TF: variants seen among roughly 807,000 people sequenced by gnomAD.
TF encodes the protein transferrin.
A neutral mutation model predicts 82.4 loss-of-function variants in TF; 55 were observed. The observed-to-expected ratio is 0.67, with a 90% CI of 0.54 to 0.84. TF has a LOEUF of 0.84. TF is among the 40% of genes least tolerant of loss of function. TF has a pLI of 0.00. For synonymous variants in TF, 332 were observed against 332.6 expected (o/e 1.00, Z 0.02); for missense variants, 737 against 868.4 (o/e 0.85, Z 1.90).
chr3:133,681,402 C>G, the TF span, among the ~76,000 whole-genome samples: 2 of 152,216 alleles, frequency 1.3e-5, no homozygotes, highest in Non-Finnish European at 2.9e-5. Context: ...CAGGGTGAGA[C>G]ATCACCTCAC....
the TF span, among the ~76,000 whole-genome samples, chr3:133,719,909 T>G: frequency 6.6e-6 from 1 of 152,190 alleles, no homozygotes; most frequent in Non-Finnish European, 1.5e-5. Flanking sequence ...TTTAGTTTAT[T>G]ATTAGCGTAT....
chr3:133,675,444 T>C, the TF span, among the ~76,000 whole-genome samples: 1 of 152,324 alleles, frequency 6.6e-6, no homozygotes, highest in South Asian at 2.1e-4. Context: ...TAAAACATTT[T>C]ATTTGGGAAG....
chr3:133,759,526 A>G (rs1933930872), intron 9 of TF, among the ~76,000 whole-genome samples, 197 bp downstream of exon 9: 1 of 152,216 alleles, frequency 6.6e-6, no homozygotes, highest in Non-Finnish European at 1.5e-5. Context: ...CACAGGGCTC[A>G]GTTTCCTCCT....
chr3:133,688,515 G>A, the TF span, among the ~76,000 whole-genome samples: 1 of 152,172 alleles, frequency 6.6e-6, no homozygotes, highest in Non-Finnish European at 1.5e-5. Context: ...GAAAATGCAA[G>A]GACTGTGGGT....
chr3:133,717,011 C>T, the TF span, among the ~76,000 whole-genome samples: 2 of 152,164 alleles, frequency 1.3e-5, no homozygotes, highest in Non-Finnish European at 2.9e-5. Context: ...CTTTCCTGGC[C>T]ACTCTGTAAT....
the TF span, among the ~76,000 whole-genome samples, chr3:133,696,148 G>A: frequency 2.0e-5 from 3 of 151,924 alleles, no homozygotes; most frequent in African/African-American, 7.3e-5. Flanking sequence ...ATTTTGGCTG[G>A]GCAGAGTGAC....
chr3:133,769,751 G>C (rs915088188), intron 13 of TF, among the ~76,000 whole-genome samples: 4 of 152,132 alleles, frequency 2.6e-5, no homozygotes, highest in African/African-American at 9.7e-5. Flanking sequence ...CATTGAGGAG[G>C]GCCTTGTGTA....
At chr3:133,663,926 G>A in the TF span, among the ~76,000 whole-genome samples, 1 of 152,236 alleles carries the variant, frequency 6.6e-6, no homozygotes, top group Admixed American at 6.5e-5. Context: ...TTTAGAGTAA[G>A]AGTTCACCAC....
At chr3:133,735,958 T>A in the TF span, among the ~76,000 whole-genome samples, 2 of 151,784 alleles carry the variant, frequency 1.3e-5, no homozygotes, top group African/African-American at 4.8e-5. Context: ...ACAGAGAACA[T>A]CACAAAGATA....
chr3:133,675,103 G>C, the TF span, among the ~76,000 whole-genome samples: 1 of 151,728 alleles, frequency 6.6e-6, no homozygotes, highest in Non-Finnish European at 1.5e-5. Context: ...AAATTAGCCG[G>C]GTGTGGTGGC....
chr3:133,716,291 A>C, the TF span, among the ~76,000 whole-genome samples: 1 of 152,074 alleles, frequency 6.6e-6, no homozygotes, highest in Non-Finnish European at 1.5e-5. Context: ...GGCTATCTCC[A>C]CTTGGATTTC....
In TF at chr3:133,748,416, G is replaced by A; in HGVS notation, c.48G>A (p.Leu16=). The A allele has an allele frequency of 6.2e-7, 1 of 1,614,130 alleles. No individual in the cohort carries two copies. Among genetic ancestry groups the A allele is most frequent in the South Asian group, 1.1e-5 (1 of 91,080 alleles). ...GALLVCAVLG[L]CLAVPDKTVR... Reference sequence around the variant, plus strand: ...CCTCTGGCCTCTCTCCCCCAGGGCTGTGTCTGGCTGTCCCTGATAAAACTG... The same window carrying A: ...CCTCTGGCCTCTCTCCCCCAGGGCTATGTCTGGCTGTCCCTGATAAAACTG... Residue 16 remains leucine, a synonymous_variant, in exon 2 of 17, where the codon CTG becomes CTA. Coordinates refer to ENST00000402696, the MANE Select transcript of TF (RefSeq NM_001063.4).
chr3:133,776,242 G>A (rs1038991150), intron 15 of TF, among the ~76,000 whole-genome samples: 1 of 152,184 alleles, frequency 6.6e-6, no homozygotes, highest in African/African-American at 2.4e-5. Flanking sequence ...GGCAGACTGA[G>A]CACTGTTCTC....
chr3:133,740,946 C>A, the TF span, among the ~76,000 whole-genome samples: 9 of 115,750 alleles, frequency 7.8e-5, no homozygotes, highest in South Asian at 3.0e-4. Flanking sequence ...TATAGAAATA[C>A]AATTGACTTT....
At chr3:133,777,767 T>C (rs1934430599) in intron 16 of TF, 1 of 160,274 alleles carries the variant, frequency 6.2e-6, no homozygotes, top group South Asian at 1.8e-4. Flanking sequence ...GCTTCAACAA[T>C]GATAGGTTCT....
the TF span, among the ~76,000 whole-genome samples, chr3:133,706,815 G>A: frequency 6.6e-6 from 1 of 152,146 alleles, no homozygotes; most frequent in African/African-American, 2.4e-5. Context: ...CCACTGGAGT[G>A]CAAAGTTGAG....
chr3:133,754,539 A>G lies in TF; in HGVS notation c.370A>G (p.Ser124Gly). The change falls in exon 4 of 17, where the codon AGT becomes GGT. Residue 124 changes from serine to glycine, a missense_variant. By Grantham distance (56) the Ser-to-Gly change is moderately conservative (BLOSUM62 0). Transcript: ENST00000402696. ...TGCTGTTGCTGTGGTGAAGAAGGAT[A>G]GTGGCTTCCAGATGAACCAGCTTCG... The part of the protein sequence containing the change: ...YYAVAVVKKD[S>G]GFQMNQLRGK... The G allele has an allele frequency of 6.2e-7, 1 of 1,614,210 alleles. No individual in the cohort carries two copies. Among genetic ancestry groups the G allele is most frequent in the South Asian group, 1.1e-5 (1 of 91,082 alleles).
chr3:133,755,400 T>C lies in TF; in HGVS notation c.540T>C (p.Cys180=), dbSNP rs373651632. ...TCTTCTCGGGCAGCTGTGCCCCTTG[T>C]GCGGATGGGACGGACTTCCCCCAGC... ...ANFFSGSCAP[C]ADGTDFPQLC... The change falls in exon 5 of 17, where the codon TGT becomes TGC. Residue 180 remains cysteine, a synonymous_variant. Transcript: ENST00000402696. 1.2e-6 allele frequency: 2 copies of C among 1,614,116 alleles called. No individual in the cohort carries two copies. The highest frequency in any genetic ancestry group is 2.7e-5 in the African/African-American group (2 of 74,936).
At chr3:133,730,476 A>G in the TF span, among the ~76,000 whole-genome samples, 2 of 152,206 alleles carry the variant, frequency 1.3e-5, no homozygotes, top group Admixed American at 1.3e-4. Flanking sequence ...TCTACCACCA[A>G]TTTTCTATAC....
Sources: gnomAD v4.1 joint callset for allele counts (sites outside exome capture counted in the v4.1 genomes callset) on GRCh38, gnomAD v4.1.1 for gene constraint, MANE v1.5 for transcripts, NCBI Gene and HGNC (gene_info 2026-07-23, HGNC 2026-07-21) for gene names.